EP300: variants seen among roughly 807,000 people sequenced by gnomAD.
EP300 encodes the protein EP300 lysine acetyltransferase, also known as histone acetyltransferase p300.
EP300 carries 31 observed loss-of-function variants against 264.0 expected under a neutral mutation model. The observed-to-expected ratio is 0.12, with a 90% CI of 0.09 to 0.16. EP300 has a LOEUF of 0.16. Ranked by LOEUF, EP300 falls within the 10% of genes least tolerant of loss-of-function variation. EP300 has a pLI of 1.00. For synonymous variants in EP300, 1,340 were observed against 1,045.4 expected, an observed-to-expected ratio of 1.28 and a Z score of -5.44; for missense variants, 2,766 against 3,052.9, an observed-to-expected ratio of 0.91 and a Z score of 2.21.
chr22:41,126,339 G>A (rs1244451013), intron 3 of EP300: 3 of 332,114 alleles, frequency 9.0e-6, no homozygotes, highest in Admixed American at 4.3e-5. Flanking sequence ...GTTTCCATAC[G>A]ATACGAAAGC....
intron 8 of EP300, among the ~76,000 whole-genome samples, chr22:41,138,862 A>G (rs745399514): frequency 9.9e-5 from 15 of 152,136 alleles, no homozygotes; most frequent in Non-Finnish European, 2.1e-4. Context: ...GTTATGTCAA[A>G]CTACCAATTA....
intron 19 of EP300, chr22:41,159,624 G>A (rs1243075787): frequency 1.3e-5 from 2 of 152,140 alleles, no homozygotes; most frequent in Non-Finnish European, 2.9e-5. Context: ...TGTATCACTT[G>A]ATGGCTGTAG....
intron 2 of EP300, among the ~76,000 whole-genome samples, chr22:41,124,764 A>G (rs762189426): frequency 6.6e-6 from 1 of 152,246 alleles, no homozygotes; most frequent in East Asian, 1.9e-4. Context: ...TGAATGGCAA[A>G]CCTTGTTTAA....
intron 23 of EP300, 70 bp from the exon 24 acceptor site, chr22:41,168,379 T>C (rs2059152132): frequency 6.4e-7 from 1 of 1,562,286 alleles, no homozygotes. Flanking sequence ...CAAATGAGAT[T>C]TGAGGTTGAA....
intron 6 of EP300, among the ~76,000 whole-genome samples, chr22:41,133,441 G>A (rs946232408): frequency 2.6e-5 from 4 of 151,828 alleles, no homozygotes; most frequent in Non-Finnish European, 2.9e-5. Flanking sequence ...ATGAACCACT[G>A]TGCCTGACCC....
At chr22:41,160,358 GT>G in intron 19 of EP300, 1 of 368,082 alleles carries the variant, frequency 2.7e-6, no homozygotes, top group African/African-American at 2.3e-5. Context: ...TCATTTCTTC[GT>G]TTGTTTTGTG....
At chr22:41,173,862 A>G in intron 29 of EP300, 78 bp downstream of exon 29, 6 of 1,584,878 alleles carry the variant, frequency 3.8e-6, no homozygotes, top group Non-Finnish European at 5.2e-6. Flanking sequence ...CTGTAATCCC[A>G]GCACTTTGGG....
rs2145513699 is a variant in EP300, at chr22:41,176,478, A to G, written c.5011A>G (p.Asn1671Asp). Reference protein sequence around the residue: ...QSQDRFVYTCNECKHHVETRW... With the variant: ...QSQDRFVYTCDECKHHVETRW... Reference sequence around the variant, plus strand: ...CCAGGACCGCTTTGTCTACACCTGCAATGAATGCAAGCACCATGTGGAGAC... The same window carrying G: ...CCAGGACCGCTTTGTCTACACCTGCGATGAATGCAAGCACCATGTGGAGAC... Residue 1671 changes from asparagine (N) to aspartate (D), a missense_variant, in exon 30 of 31, where the codon AAT becomes GAT. Physicochemically the swap from Asn to Asp is conservative, Grantham distance 23. Transcript: ENST00000263253. 1.9e-6 allele frequency: 3 copies of G among 1,614,200 alleles called. No homozygotes were observed. Among genetic ancestry groups the G allele is most frequent in the South Asian group, 1.1e-5 (1 of 91,086 alleles).
intron 2 of EP300, among the ~76,000 whole-genome samples, chr22:41,120,262 C>A (rs1238317775): frequency 6.6e-6 from 1 of 152,088 alleles, no homozygotes; most frequent in Non-Finnish European, 1.5e-5. Flanking sequence ...TGCAGCGGTT[C>A]ACACCTAGAA....
At chr22:41,133,849 G>A (rs1238185586) in intron 6 of EP300, among the ~76,000 whole-genome samples, 2 of 152,142 alleles carry the variant, frequency 1.3e-5, no homozygotes, top group East Asian at 3.8e-4. Context: ...AAAGTTTAAT[G>A]CTCCTGTTTT....
At chr22:41,098,896 CCTTA>C (rs2058716258) in intron 1 of EP300, among the ~76,000 whole-genome samples, 3 of 152,184 alleles carry the variant, frequency 2.0e-5, no homozygotes, top group East Asian at 1.9e-4. Context: ...TAGGAATCCA[CCTTA>C]CTTACCCACC....
intron 1 of EP300, among the ~76,000 whole-genome samples, chr22:41,101,546 G>A (rs2145677261): frequency 6.6e-6 from 1 of 151,782 alleles, no homozygotes; most frequent in Admixed American, 6.6e-5. Flanking sequence ...CTAGTGGCTG[G>A]GACTACAGGC....
chr22:41,138,822 A>C (rs1466698861), intron 8 of EP300, among the ~76,000 whole-genome samples: 1 of 152,036 alleles, frequency 6.6e-6, no homozygotes, highest in African/African-American at 2.4e-5. Context: ...CTGAGGAACT[A>C]TTTATCATTT....
intron 6 of EP300, among the ~76,000 whole-genome samples, chr22:41,132,614 G>A (rs112418638): frequency 1.3e-5 from 2 of 152,212 alleles, no homozygotes; most frequent in African/African-American, 4.8e-5. Flanking sequence ...TGGACATTGA[G>A]ATCTCCAATT....
intron 1 of EP300, among the ~76,000 whole-genome samples, chr22:41,100,029 C>A (rs1022318656): frequency 2.6e-5 from 4 of 152,056 alleles, no homozygotes; most frequent in African/African-American, 4.8e-5. Flanking sequence ...CCAGCCTGGG[C>A]AATGTAGTGG....
At chr22:41,145,256 T>G (rs1029018494) in intron 10 of EP300, among the ~76,000 whole-genome samples, 5 of 152,256 alleles carry the variant, frequency 3.3e-5, no homozygotes, top group Non-Finnish European at 5.9e-5. Context: ...CTATTGATTT[T>G]TAATTTTTAT....
intron 30 of EP300, 107 bp downstream of exon 30, chr22:41,176,635 C>T (rs2059202188): frequency 2.5e-6 from 4 of 1,607,856 alleles, no homozygotes; most frequent in African/African-American, 1.3e-5. Flanking sequence ...GGGGCTTGGC[C>T]TCGTGTTTGA....
At position 41,150,164 on chromosome 22, in the gene EP300, C is replaced by T. The variant is rs758548160; in HGVS notation, c.2783C>T (p.Thr928Ile). The change falls in exon 14 of 31, where the codon ACA becomes ATA. Residue 928 changes from threonine (T) to isoleucine (I), a missense_variant. Thr to Ile is a moderately conservative substitution (Grantham distance 89). Transcript: ENST00000263253. ...ACAGCAGCGTCTGTTCCTACCCCAA[C>T]AGCACCGCTGCTTCCTCCGCAGCCT... is the stretch of plus-strand genomic sequence containing the variant. ...QSTAASVPTP[T>I]APLLPPQPAT... is the part of the protein sequence containing the mutation. 6.2e-7 allele frequency: 1 copy of T among 1,611,008 alleles called. No individual in the cohort carries two copies. The highest frequency in any genetic ancestry group is 1.7e-5 in the Admixed American group (1 of 59,908).
At position 41,170,653 on chromosome 22, in the gene EP300, CTTTTT is replaced by C. The variant is rs35506286; in HGVS notation, c.4452+104_4452+108del. 1,321 of 390,074 alleles carry C rather than the reference CTTTTT, an allele frequency of 3.4e-3. 1 individual carries two copies. The highest frequency in any genetic ancestry group is 0.012 in the African/African-American group (374 of 31,602). 24.2% of individuals were successfully genotyped at this position (390,074 alleles called of 1,614,324 possible). A position where few individuals can be genotyped will look rare whatever the true frequency, so the allele number is the denominator to read the frequency against. On this transcript the variant is annotated intron_variant, in intron 27 of 30. Coordinates refer to ENST00000263253, the MANE Select transcript of EP300 (RefSeq NM_001429.4). ...TGCTGCTCTTTGTTCTGTCATTTAACTTTTTTTTTTTTTTTTTTTTTTTTTTGAGA... is the reference window on the plus strand; with the variant it reads ...TGCTGCTCTTTGTTCTGTCATTTAACTTTTTTTTTTTTTTTTTTTTTGAGA...
Sources: gnomAD v4.1 joint callset for allele counts (sites outside exome capture counted in the v4.1 genomes callset) on GRCh38, gnomAD v4.1.1 for gene constraint, MANE v1.5 for transcripts, NCBI Gene and HGNC (gene_info 2026-07-23, HGNC 2026-07-21) for gene names.